Variants in SEPTIN9 observed in about 807,000 individuals in gnomAD.
SEPTIN9 encodes septin-9.
SEPTIN9 carries 13 observed loss-of-function variants against 56.6 expected under a neutral mutation model. The ratio of observed to expected loss-of-function variants is 0.23; its 90% CI spans 0.15 to 0.37. The LOEUF is 0.37. Among genes scored for constraint, SEPTIN9 ranks in the 10% least tolerant of loss-of-function variants. SEPTIN9 has a pLI of 1.00. For synonymous variants in SEPTIN9, 332 were observed against 334.1 expected (o/e 0.99, Z 0.07); for missense variants, 650 against 823.1 (o/e 0.79, Z 2.57).
At chr17:77,350,120 C>A (rs1431508636) in intron 2 of SEPTIN9, among the ~76,000 whole-genome samples, 1 of 152,210 alleles carries the variant, frequency 6.6e-6, no homozygotes, top group Non-Finnish European at 1.5e-5. Context: ...TGTTTCAGGG[C>A]CAGGGGCCTG....
chr17:77,348,300 T>A lies in SEPTIN9; in HGVS notation c.76+41103T>A, dbSNP rs1393733391. ...GAATTCTATTTTAATTTATGTTTTT[T>A]TTTTTTTTTTTTTTTTAAGACAGAG... On this transcript the variant is annotated intron_variant, in intron 2 of 11. Coordinates refer to ENST00000427177, the MANE Select transcript of SEPTIN9 (RefSeq NM_001113491.2). Among the ~76,000 whole-genome samples the A allele has an allele frequency of 7.5e-4, 106 of 142,108 alleles. 2 individuals are homozygous for A. In the South Asian group the frequency reaches 0.018, roughly 24 times the overall value. The allele number at this position is 142,108 out of a possible 152,430, so 93.2% of individuals were successfully genotyped here.
intron 2 of SEPTIN9, among the ~76,000 whole-genome samples, chr17:77,350,944 G>A (rs1415553392): frequency 6.7e-6 from 1 of 148,550 alleles, no homozygotes; most frequent in Non-Finnish European, 1.5e-5. Flanking sequence ...AGGGGGGTGT[G>A]TGTGCCTGTG....
chr17:77,431,031 C>T (rs550541672), intron 3 of SEPTIN9, among the ~76,000 whole-genome samples: 2 of 151,534 alleles, frequency 1.3e-5, no homozygotes, highest in South Asian at 4.2e-4. Context: ...TGCTAAGAAG[C>T]ATCTGTCTTC....
rs549113763 is a variant in SEPTIN9 at position 77,435,487 on chromosome 17, G to T, written c.721+32784G>T. 6.6e-6 allele frequency among the ~76,000 whole-genome samples: 1 copy of T among 152,310 alleles called. No homozygotes were observed. Among genetic ancestry groups the T allele is most frequent in the South Asian group, 2.1e-4 (1 of 4,832 alleles). On this transcript the variant is annotated intron_variant, in intron 3 of 11. Transcript: ENST00000427177. The surrounding 1 kb of genome is among the most constrained non-coding windows in gnomAD (Gnocchi z 4.5). ...GCAGGGGGAGAAGTAGAGCAACCATGCCGGGCGGGTCGTCGTGCCCCAGTG... is the reference window on the plus strand; with the variant it reads ...GCAGGGGGAGAAGTAGAGCAACCATTCCGGGCGGGTCGTCGTGCCCCAGTG...
intron 3 of SEPTIN9, among the ~76,000 whole-genome samples, chr17:77,408,824 C>A (rs953204727): frequency 6.6e-6 from 1 of 152,106 alleles, no homozygotes; most frequent in African/African-American, 2.4e-5. Flanking sequence ...GCTTCTGGCC[C>A]CGTGTTTACA....
chr17:77,406,130 AAGCAC>A (rs2036059884), intron 3 of SEPTIN9, among the ~76,000 whole-genome samples: 1 of 152,106 alleles, frequency 6.6e-6, no homozygotes, highest in Admixed American at 6.6e-5. Context: ...GACTTCCCCA[AAGCAC>A]AGCACTGCTG....
chr17:77,488,408 C>A, intron 6 of SEPTIN9, 87 bp downstream of exon 6: 1 of 1,272,410 alleles, frequency 7.9e-7, no homozygotes, highest in Non-Finnish European at 1.1e-6. Context: ...GGTTTCCCGG[C>A]CCGCGGGGGT....
rs575416572 is a variant in SEPTIN9 at position 77,327,245 on chromosome 17, G to C, written c.76+20048G>C. On this transcript the variant is annotated intron_variant, in intron 2 of 11. Coordinates refer to ENST00000427177, the MANE Select transcript of SEPTIN9 (RefSeq NM_001113491.2). This position sits in a 1 kb window ranked among gnomAD's most constrained non-coding sequence, Gnocchi z 5.0. ...CTCGCTGGCTGCTGCCCTCAGGTTA[G>C]TTTATTTTTACCCGGCCTGCTCCCA... is the stretch of plus-strand genomic sequence containing the variant. Among the ~76,000 whole-genome samples the C allele has an allele frequency of 6.6e-6, 1 of 151,242 alleles. No individual in the cohort carries two copies. The highest frequency in any genetic ancestry group is 2.4e-5 in the African/African-American group (1 of 41,204).
intron 3 of SEPTIN9, among the ~76,000 whole-genome samples, chr17:77,412,926 G>C (rs1474205310): frequency 2.6e-5 from 4 of 152,054 alleles, no homozygotes; most frequent in Non-Finnish European, 4.4e-5. Context: ...GAAATTATAG[G>C]AAAGAATTTC....
At chr17:77,307,256 C>A (rs1205577131) in intron 2 of SEPTIN9, 59 bp downstream of exon 2, 3 of 1,489,872 alleles carry the variant, frequency 2.0e-6, no homozygotes, top group African/African-American at 1.4e-5. Context: ...GTGCTGGGGT[C>A]CCTTCATTCT....
At chr17:77,484,290 G>A (rs927640886) in intron 4 of SEPTIN9, among the ~76,000 whole-genome samples, 2 of 151,430 alleles carry the variant, frequency 1.3e-5, no homozygotes, top group Non-Finnish European at 2.9e-5. Flanking sequence ...TGGTGGGATG[G>A]TAGTGGTGAT....
intron 8 of SEPTIN9, among the ~76,000 whole-genome samples, chr17:77,491,271 T>C (rs2040014510): frequency 6.6e-6 from 1 of 151,910 alleles, no homozygotes; most frequent in Non-Finnish European, 1.5e-5. Flanking sequence ...GGTTGCAATG[T>C]AGTGGCACAA....
chr17:77,394,524 C>G (rs964975474), intron 2 of SEPTIN9, among the ~76,000 whole-genome samples: 8 of 152,244 alleles, frequency 5.3e-5, no homozygotes, highest in Non-Finnish European at 1.0e-4. Flanking sequence ...TTCCTGGAAC[C>G]TGAGCCTGGA....
chr17:77,403,080 G>T lies in SEPTIN9; in HGVS notation c.721+377G>T, dbSNP rs2035956834. Among the ~76,000 whole-genome samples the T allele has an allele frequency of 2.0e-5, 3 of 152,288 alleles. No individual in the cohort carries two copies. The South Asian group carries it at 6.2e-4, about 32-fold the overall frequency. The stretch of plus-strand genomic sequence containing the variant: ...GGAACCAGGGCAGGCTCATGCAGGG[G>T]TGTAGGACAGGGTGGAGTTGAGACC... On this transcript the variant is annotated intron_variant, in intron 3 of 11. Coordinates refer to ENST00000427177, the MANE Select transcript of SEPTIN9 (RefSeq NM_001113491.2).
intron 1 of SEPTIN9, among the ~76,000 whole-genome samples, chr17:77,297,458 G>T (rs1377796257): frequency 2.6e-5 from 4 of 152,154 alleles, no homozygotes. Context: ...CACCCTCACA[G>T]ACACACCCAG....
intron 2 of SEPTIN9, among the ~76,000 whole-genome samples, chr17:77,395,645 C>T (rs1179923009): frequency 2.0e-5 from 3 of 152,152 alleles, no homozygotes; most frequent in Non-Finnish European, 4.4e-5. Flanking sequence ...CACCCACCGC[C>T]ATTCATTCCA....
At chr17:77,314,800 G>A (rs111256348) in intron 2 of SEPTIN9, among the ~76,000 whole-genome samples, 79 of 152,350 alleles carry the variant, frequency 5.2e-4, no homozygotes, top group African/African-American at 1.8e-3. Context: ...ACCAGCCCCA[G>A]GGCCTCCTGG....
At chr17:77,422,412 G>A (rs992741605) in intron 3 of SEPTIN9, among the ~76,000 whole-genome samples, 1 of 152,198 alleles carries the variant, frequency 6.6e-6, no homozygotes, top group Admixed American at 6.5e-5. Context: ...GCCCATTGGC[G>A]TGGCCAGCGA....
At chr17:77,439,623 C>G (rs2037472852) in intron 3 of SEPTIN9, among the ~76,000 whole-genome samples, 1 of 152,102 alleles carries the variant, frequency 6.6e-6, no homozygotes, top group African/African-American at 2.4e-5. Context: ...ATCAGGTGAG[C>G]AGATCCCCAC....
Sources: gnomAD v4.1 joint callset for allele counts (sites outside exome capture counted in the v4.1 genomes callset) on GRCh38, gnomAD v4.1.1 for gene constraint, Gnocchi (gnomAD v3.1) non-coding constraint, MANE v1.5 for transcripts, NCBI Gene and HGNC (gene_info 2026-07-23, HGNC 2026-07-21) for gene names.